The following COMMD10 variants were observed in gnomAD, a reference collection of about 807,000 sequenced individuals.
COMMD10 encodes the protein COMM domain containing 10.
COMMD10 carries 33 observed loss-of-function variants against 28.9 expected under a neutral mutation model. The observed-to-expected ratio is 1.14, with a 90% CI of 0.87 to 1.53. The LOEUF (loss-of-function observed/expected upper bound fraction) is 1.53, where lower values mean the gene tolerates loss of function less well. Among genes scored for constraint, COMMD10 ranks in the 40% most tolerant of loss-of-function variants. The probability of loss-of-function intolerance (pLI) is 0.00; values close to 1 mark genes in which losing one functional copy is unlikely to be tolerated. For synonymous variants in COMMD10, 110 were observed against 81.7 expected, an observed-to-expected ratio of 1.35 and a Z score of -1.87; for missense variants, 310 against 233.4, an observed-to-expected ratio of 1.33 and a Z score of -2.14.
rs75311153 is a variant in COMMD10, at chr5:116,275,026, A to G, written c.511-16491A>G. On this transcript the variant is annotated intron_variant, in intron 5 of 6. Coordinates refer to ENST00000274458, the MANE Select transcript of COMMD10 (RefSeq NM_016144.4). ...AAATACCTGTCTTAAACTGAACTTG[A>G]AATTCCCAACCTCTATTTCATCCCC... Among the ~76,000 whole-genome samples, 310 of 151,794 alleles carry G rather than the reference A, an allele frequency of 2.0e-3. 7 individuals are homozygous for G. The highest frequency in any genetic ancestry group is 7.2e-3 in the African/African-American group (295 of 41,158).
chr5:116,112,457 C>G (rs543116647), intron 4 of COMMD10, among the ~76,000 whole-genome samples: 2 of 151,528 alleles, frequency 1.3e-5, no homozygotes, highest in Admixed American at 1.3e-4. Flanking sequence ...AGTGCAGTGG[C>G]GGGATCTCAG....
intron 5 of COMMD10, among the ~76,000 whole-genome samples, chr5:116,274,823 T>A (rs968247716): frequency 3.3e-5 from 5 of 151,806 alleles, no homozygotes; most frequent in African/African-American, 1.2e-4. Context: ...ATTGATCTTC[T>A]TGACACATTT....
rs1750280622 is a variant in COMMD10 at position 116,091,063 on chromosome 5, G to C, written c.133-16G>C. 1 of 1,492,060 alleles carries C rather than the reference G, an allele frequency of 6.7e-7. No homozygotes were observed. The highest frequency in any genetic ancestry group is 1.4e-5 in the African/African-American group (1 of 71,922). The allele number at this position is 1,492,060 out of a possible 1,614,324, so 92.4% of individuals were successfully genotyped here. On this transcript the variant is annotated splice_polypyrimidine_tract_variant and intron_variant, in intron 2 of 6. Coordinates refer to ENST00000274458, the MANE Select transcript of COMMD10 (RefSeq NM_016144.4). The stretch of plus-strand genomic sequence containing the variant: ...TGAATATGTGCTAATATAATAGATT[G>C]CTATTTGTATTATAGGCTGAGAGCA...
intron 5 of COMMD10, among the ~76,000 whole-genome samples, chr5:116,241,826 C>A (rs952875270): frequency 6.6e-6 from 1 of 151,828 alleles, no homozygotes; most frequent in Admixed American, 6.6e-5. Flanking sequence ...ACCATGTTAG[C>A]CAGGATGGTC....
intron 5 of COMMD10, among the ~76,000 whole-genome samples, chr5:116,202,456 G>C (rs976232160): frequency 1.3e-5 from 2 of 151,924 alleles, no homozygotes; most frequent in East Asian, 3.9e-4. Context: ...CTGAGGAATC[G>C]CCACACAGAC....
At chr5:116,142,202 CAA>C (rs1752215887) in intron 5 of COMMD10, among the ~76,000 whole-genome samples, 1 of 151,704 alleles carries the variant, frequency 6.6e-6, no homozygotes, top group African/African-American at 2.4e-5. Flanking sequence ...AATGCTGTAA[CAA>C]ATCATTTTTT....
intron 4 of COMMD10, among the ~76,000 whole-genome samples, chr5:116,130,232 T>C (rs1260886979): frequency 6.6e-6 from 1 of 151,874 alleles, no homozygotes; most frequent in African/African-American, 2.4e-5. Flanking sequence ...TTTTAAGTGC[T>C]CCGGGTATAG....
intron 5 of COMMD10, among the ~76,000 whole-genome samples, chr5:116,193,884 A>G (rs189957404): frequency 2.0e-5 from 3 of 152,230 alleles, no homozygotes; most frequent in East Asian, 1.9e-4. Flanking sequence ...AGTGCATGCA[A>G]CTTTTTCCAA....
At chr5:116,243,247 C>A (rs1272965310) in intron 5 of COMMD10, among the ~76,000 whole-genome samples, 1 of 152,084 alleles carries the variant, frequency 6.6e-6, no homozygotes, top group African/African-American at 2.4e-5. Flanking sequence ...GACCACCAGA[C>A]TACAGTTACA....
intron 5 of COMMD10, among the ~76,000 whole-genome samples, chr5:116,286,209 T>A (rs1020500730): frequency 2.0e-5 from 3 of 151,702 alleles, no homozygotes; most frequent in African/African-American, 7.3e-5. Flanking sequence ...TATAATGTCC[T>A]CTCTTTCATT....
At chr5:116,250,129 C>T (rs867348813) in intron 5 of COMMD10, among the ~76,000 whole-genome samples, 7 of 151,764 alleles carry the variant, frequency 4.6e-5, no homozygotes, top group Admixed American at 6.6e-5. Flanking sequence ...TACTTTCAAA[C>T]ATCTAGTTTT....
At chr5:116,112,145 A>G (rs1034744771) in intron 4 of COMMD10, among the ~76,000 whole-genome samples, 1 of 152,170 alleles carries the variant, frequency 6.6e-6, no homozygotes, top group African/African-American at 2.4e-5. Context: ...TCTGTCTGGG[A>G]AAGAAGATTA....
chr5:116,134,878 C>T (rs1364153553), intron 5 of COMMD10, among the ~76,000 whole-genome samples: 1 of 152,182 alleles, frequency 6.6e-6, no homozygotes, highest in East Asian at 1.9e-4. Context: ...CCCTCAGCCT[C>T]CCAAAGTGCT....
At chr5:116,150,421 G>A (rs551525044) in intron 5 of COMMD10, among the ~76,000 whole-genome samples, 50 of 152,264 alleles carry the variant, frequency 3.3e-4, no homozygotes, top group African/African-American at 1.1e-3. Flanking sequence ...GATGGGGATG[G>A]CATTGAATGT....
chr5:116,146,194 G>A (rs1338029452), intron 5 of COMMD10, among the ~76,000 whole-genome samples: 1 of 151,794 alleles, frequency 6.6e-6, no homozygotes, highest in Non-Finnish European at 1.5e-5. Context: ...GGAAACAAGT[G>A]GTCTAATTAT....
chr5:116,091,169 A>G lies in COMMD10; in HGVS notation c.223A>G (p.Ile75Val), dbSNP rs1054410972. Residue 75 changes from isoleucine (I) to valine (V), a missense_variant, in exon 3 of 7, where the codon ATA becomes GTA. Coordinates refer to ENST00000274458, the MANE Select transcript of COMMD10 (RefSeq NM_016144.4). ...AGATCTTCACCTAGTTCTTGAAACA[A>G]TATCATTTATTTTAGAACAGGTATT... ...KQDLHLVLET[I>V]SFILEQAVYH... 1.5e-5 allele frequency: 24 copies of G among 1,599,620 alleles called. No homozygotes were observed. The African/African-American group carries it at 2.4e-4, about 16-fold the overall frequency.
intron 5 of COMMD10, among the ~76,000 whole-genome samples, chr5:116,244,660 C>CAAAAAAAAAAAAAAAAAAAAAAATAAA (rs60360733): frequency 2.5e-5 from 2 of 79,460 alleles, no homozygotes; most frequent in African/African-American, 3.6e-5. Flanking sequence ...AAAAAAATTA[C>CAAAAAAAAAAAAAAAAAAAAAAATAAA]AAAAAAAAAA....
chr5:116,241,138 G>GA (rs1344837718), intron 5 of COMMD10, among the ~76,000 whole-genome samples: 1 of 152,062 alleles, frequency 6.6e-6, no homozygotes, highest in East Asian at 1.9e-4. Context: ...AGGTTCATCA[G>GA]AAAAAAGACA....
At chr5:116,180,105 C>G (rs1747898517) in intron 5 of COMMD10, among the ~76,000 whole-genome samples, 1 of 152,010 alleles carries the variant, frequency 6.6e-6, no homozygotes, top group Non-Finnish European at 1.5e-5. Context: ...CTTTCCATAT[C>G]TTTGGACAGT....
Sources: gnomAD v4.1 joint callset for allele counts (sites outside exome capture counted in the v4.1 genomes callset) on GRCh38, gnomAD v4.1.1 for gene constraint, MANE v1.5 for transcripts, NCBI Gene and HGNC (gene_info 2026-07-23, HGNC 2026-07-21) for gene names.